Variants in C5AR2 observed in about 807,000 individuals in gnomAD.
C5AR2 encodes C5a anaphylatoxin chemotactic receptor 2.
For synonymous variants in C5AR2, 224 were observed against 216.5 expected (o/e 1.03, Z -0.30); for missense variants, 458 against 467.5 (o/e 0.98, Z 0.19).
At position 47,341,754 on chromosome 19, in the gene C5AR2, G is replaced by A. The variant is rs529217199; in HGVS notation, c.955G>A (p.Glu319Lys). ...CCTGAGGGAGTCCCAGGGCCAGGAC[G>A]AAAGTGTGGACAGCAAGAAATCCAC... ...WALRESQGQD[E>K]SVDSKKSTSH... The change falls in exon 2 of 2, where the codon GAA becomes AAA. Residue 319 changes from glutamate (E) to lysine (K), a missense_variant. Glu to Lys is a moderately conservative substitution (Grantham distance 56). Coordinates refer to ENST00000595464, the MANE Select transcript of C5AR2 (RefSeq NM_001271749.2). The surrounding 1 kb of genome is among the most constrained non-coding windows in gnomAD (Gnocchi z 4.6). 4 of 1,613,660 alleles carry A rather than the reference G, an allele frequency of 2.5e-6. No individual in the cohort carries two copies. Among genetic ancestry groups the A allele is most frequent in the Admixed American group, 3.3e-5 (2 of 60,020 alleles).
rs1599742790 is a variant in C5AR2, at chr19:47,341,376, T to C, written c.577T>C (p.Ser193Pro). The C allele has an allele frequency of 6.2e-7, 1 of 1,612,314 alleles. No homozygotes were observed. The highest frequency in any genetic ancestry group is 1.1e-5 in the South Asian group (1 of 91,072). Residue 193 changes from serine to proline, a missense_variant, in exon 2 of 2, where the codon TCC (serine) becomes CCC (proline). Coordinates refer to ENST00000595464, the MANE Select transcript of C5AR2 (RefSeq NM_001271749.2). This position sits in a 1 kb window ranked among gnomAD's most constrained non-coding sequence, Gnocchi z 4.6. Reference sequence around the variant, plus strand: ...GCAGTGTGTGGTGGACTACGGCGGCTCCTCCAGCACCGAGAATGCGGTGAC... The same window carrying C: ...GCAGTGTGTGGTGGACTACGGCGGCCCCTCCAGCACCGAGAATGCGGTGAC... Reference protein sequence around the residue: ...RLQCVVDYGGSSSTENAVTAI... With the variant: ...RLQCVVDYGGPSSTENAVTAI...
chr19:47,341,815 C>T lies in C5AR2; in HGVS notation c.*2C>T, dbSNP rs1485281243. ...CTGGTCTCGGAGATGGAGGTGTAGG[C>T]TGGAGAGACATTGTGGGTGTGTATC... On this transcript the variant is annotated 3_prime_UTR_variant, in exon 2 of 2. Coordinates refer to ENST00000595464, the MANE Select transcript of C5AR2 (RefSeq NM_001271749.2). This position sits in a 1 kb window ranked among gnomAD's most constrained non-coding sequence, Gnocchi z 4.6. 7.4e-6 allele frequency: 12 copies of T among 1,612,400 alleles called. No individual in the cohort carries two copies. Among genetic ancestry groups the T allele is most frequent in the Non-Finnish European group, 1.0e-5 (12 of 1,179,200 alleles).
chr19:47,341,334 C>A lies in C5AR2; in HGVS notation c.535C>A (p.His179Asn). 1 of 1,611,744 alleles carries A rather than the reference C, an allele frequency of 6.2e-7. No homozygotes were observed. Reference protein sequence around the residue: ...SAIYRRLHQEHFPARLQCVVD... With the variant: ...SAIYRRLHQENFPARLQCVVD... ...CATCTACCGCCGGCTGCACCAGGAGCACTTCCCAGCCCGGCTGCAGTGTGT... is the reference window on the plus strand; with the variant it reads ...CATCTACCGCCGGCTGCACCAGGAGAACTTCCCAGCCCGGCTGCAGTGTGT... The change falls in exon 2 of 2, where the codon CAC (histidine) becomes AAC (asparagine). Residue 179 changes from histidine (H) to asparagine (N), a missense_variant. Coordinates refer to ENST00000595464, the MANE Select transcript of C5AR2 (RefSeq NM_001271749.2). This position sits in a 1 kb window ranked among gnomAD's most constrained non-coding sequence, Gnocchi z 4.6.
At chr19:47,333,843 T>G (rs2059348008) in intron 1 of C5AR2, among the ~76,000 whole-genome samples, 1 of 152,138 alleles carries the variant, frequency 6.6e-6, no homozygotes, top group South Asian at 2.1e-4. Flanking sequence ...CCTCCCAAAG[T>G]GCCGGGGATT....
At position 47,341,947 on chromosome 19, in the gene C5AR2, T is replaced by G; in HGVS notation, c.*134T>G. 6.7e-6 allele frequency: 6 copies of G among 889,110 alleles called. No homozygotes were observed. Among genetic ancestry groups the G allele is most frequent in the Non-Finnish European group, 8.6e-6 (5 of 579,086 alleles). 55.1% of individuals were successfully genotyped at this position (889,110 alleles called of 1,614,324 possible). ...CATTCAACAGATATCCATCATGCAC[T>G]TGCTATGTGCAAGGCCTTTTTAGGC... On this transcript the variant is annotated 3_prime_UTR_variant, in exon 2 of 2. Transcript: ENST00000595464. This position sits in a 1 kb window ranked among gnomAD's most constrained non-coding sequence, Gnocchi z 4.6.
chr19:47,337,761 TCAGA>T (rs889899668), intron 1 of C5AR2, among the ~76,000 whole-genome samples: 2 of 151,858 alleles, frequency 1.3e-5, no homozygotes, highest in African/African-American at 4.8e-5. Flanking sequence ...AGTGTCAAAT[TCAGA>T]CAGTTATTAT....
intron 1 of C5AR2, among the ~76,000 whole-genome samples, chr19:47,333,896 G>A (rs923085002): frequency 6.6e-6 from 1 of 152,106 alleles, no homozygotes; most frequent in African/African-American, 2.4e-5. Flanking sequence ...CTTTGATTCT[G>A]CTCCAGGGTT....
At chr19:47,337,593 C>T (rs529684360) in intron 1 of C5AR2, among the ~76,000 whole-genome samples, 6 of 151,622 alleles carry the variant, frequency 4.0e-5, no homozygotes, top group East Asian at 1.9e-4. Flanking sequence ...ACCCTGGAGG[C>T]GGAGGTTGCA....
At chr19:47,337,025 T>G (rs7252458) in intron 1 of C5AR2, 143,526 of 146,096 alleles carry the variant, frequency 0.98, 70,512 homozygotes, top group East Asian at 1. Flanking sequence ...GCAGAGAGCC[T>G]CAGGGCCAGG....
Position 47,342,015 on chromosome 19 carries a change from C to CTCAA in C5AR2, c.*205_*206insATCA, listed in dbSNP as rs1354087015. ...GACCAAAACAGACACAAATCCTGCC[C>CTCAA]TCAGGGAGCTGATATTCTTCTAGTG... On this transcript the variant is annotated 3_prime_UTR_variant, in exon 2 of 2. Coordinates refer to ENST00000595464, the MANE Select transcript of C5AR2 (RefSeq NM_001271749.2). The CTCAA allele has an allele frequency of 6.8e-6, 4 of 584,966 alleles. No individual in the cohort carries two copies. In the East Asian group the frequency reaches 1.2e-4, roughly 17 times the overall value. 36.2% of individuals were successfully genotyped at this position (584,966 alleles called of 1,614,324 possible).
At position 47,342,859 on chromosome 19, in the gene C5AR2, G is replaced by A. The variant is rs1183910521; in HGVS notation, c.*1046G>A. On this transcript the variant is annotated 3_prime_UTR_variant, in exon 2 of 2. Coordinates refer to ENST00000595464, the MANE Select transcript of C5AR2 (RefSeq NM_001271749.2). ...GACAGGTCATGCATCTATTTTGAAG[G>A]AAAGGCCAAGTCCAGGCTCCTTAGC... The A allele has an allele frequency of 2.0e-5, 3 of 152,264 alleles. No individual in the cohort carries two copies. The highest frequency in any genetic ancestry group is 2.9e-5 in the Non-Finnish European group (2 of 68,196). The allele number at this position is 152,264 out of a possible 1,614,324, so 9.4% of individuals were successfully genotyped here. A position where few individuals can be genotyped will look rare whatever the true frequency, so the allele number is the denominator to read the frequency against.
In C5AR2 at chr19:47,341,150, C is replaced by A; in HGVS notation, c.351C>A (p.Thr117=). 1 of 1,601,522 alleles carries A rather than the reference C, an allele frequency of 6.2e-7. No individual in the cohort carries two copies. The highest frequency in any genetic ancestry group is 8.5e-7 in the Non-Finnish European group (1 of 1,179,884). The change falls in exon 2 of 2, where the codon ACC becomes ACA. Residue 117 remains threonine, a synonymous_variant. Transcript: ENST00000595464. This position sits in a 1 kb window ranked among gnomAD's most constrained non-coding sequence, Gnocchi z 4.6. ...CRALPSIILL[T]MYASVLLLAA... is the part of the protein sequence containing the mutation. Reference sequence around the variant, plus strand: ...CGCTGCCCTCCATCATCCTGCTGACCATGTATGCCAGCGTCCTGCTCCTGG... The same window carrying A: ...CGCTGCCCTCCATCATCCTGCTGACAATGTATGCCAGCGTCCTGCTCCTGG...
In C5AR2 at chr19:47,343,928, T is replaced by G. The variant is rs1309005618; in HGVS notation, c.*2115T>G. 6.6e-6 allele frequency: 1 copy of G among 152,198 alleles called. No individual in the cohort carries two copies. Among genetic ancestry groups the G allele is most frequent in the Non-Finnish European group, 1.5e-5 (1 of 68,036 alleles). 9.4% of individuals were successfully genotyped at this position (152,198 alleles called of 1,614,324 possible). Reference sequence around the variant, plus strand: ...AGTTCAAGTGCTCAGTAGCCACATATGGCTGGTGACTGCCATATTCGACAG... The same window carrying G: ...AGTTCAAGTGCTCAGTAGCCACATAGGGCTGGTGACTGCCATATTCGACAG... On this transcript the variant is annotated 3_prime_UTR_variant, in exon 2 of 2. Transcript: ENST00000595464.
rs751520206 is a variant in C5AR2, at chr19:47,340,854, C to A, written c.55C>A (p.Arg19Ser). The change falls in exon 2 of 2, where the codon CGC (arginine) becomes AGC (serine). Residue 19 changes from arginine (R) to serine (S), a missense_variant. By Grantham distance (110) the Arg-to-Ser change is moderately radical (BLOSUM62 -1). Transcript: ENST00000595464. ...EYGDYSDLSD[R>S]PVDCLDGACL... ...TGGGGATTACAGCGACCTCTCGGAC[C>A]GCCCTGTGGACTGCCTGGATGGCGC... 11 of 1,613,510 alleles carry A rather than the reference C, an allele frequency of 6.8e-6. No homozygotes were observed. Among genetic ancestry groups the A allele is most frequent in the Non-Finnish European group, 9.3e-6 (11 of 1,179,996 alleles).
intron 1 of C5AR2, among the ~76,000 whole-genome samples, chr19:47,335,813 G>A (rs1409976176): frequency 1.0e-4 from 7 of 69,406 alleles, no homozygotes; most frequent in South Asian, 5.0e-4. Flanking sequence ...GAAAGTTTTC[G>A]TTTTCTGGAT....
Position 47,341,503 on chromosome 19 carries a change from G to C in C5AR2, c.704G>C (p.Gly235Ala). ...CWAARRCRPLGTAIVVGFFVC... is the reference protein window; with the variant it reads ...CWAARRCRPLATAIVVGFFVC... ...GCAGCCCGACGCTGCCGGCCGCTGG[G>C]CACAGCCATTGTGGTGGGGTTTTTT... Residue 235 changes from glycine (G) to alanine (A), a missense_variant, in exon 2 of 2, where the codon GGC (glycine) becomes GCC (alanine). Physicochemically the swap from Gly to Ala is moderately conservative, Grantham distance 60. Transcript: ENST00000595464. This position sits in a 1 kb window ranked among gnomAD's most constrained non-coding sequence, Gnocchi z 4.6. 2 of 1,612,004 alleles carry C rather than the reference G, an allele frequency of 1.2e-6. No homozygotes were observed. The highest frequency in any genetic ancestry group is 1.7e-6 in the Non-Finnish European group (2 of 1,179,700).
chr19:47,334,462 C>T (rs1470619711), intron 1 of C5AR2, among the ~76,000 whole-genome samples: 1 of 24,474 alleles, frequency 4.1e-5, no homozygotes, highest in Non-Finnish European at 7.3e-5. Flanking sequence ...AAGGGCTGTC[C>T]ATACAGAAAA....
chr19:47,334,360 T>G (rs905516888), intron 1 of C5AR2, among the ~76,000 whole-genome samples: 1 of 151,706 alleles, frequency 6.6e-6, no homozygotes, highest in African/African-American at 2.4e-5. Context: ...CTGGGCACAG[T>G]GGCTCACGCC....
chr19:47,334,663 G>T (rs895788938), intron 1 of C5AR2, among the ~76,000 whole-genome samples: 1 of 151,868 alleles, frequency 6.6e-6, no homozygotes. Flanking sequence ...TTCAACATAA[G>T]TTGAAAATAT....
Sources: allele counts gnomAD v4.1 joint callset (sites outside exome capture counted in the v4.1 genomes callset), GRCh38; gene constraint gnomAD v4.1.1; non-coding constraint Gnocchi (gnomAD v3.1); transcripts MANE v1.5; gene names NCBI Gene and HGNC (gene_info 2026-07-23, HGNC 2026-07-21).